PAG1: variants seen among roughly 807,000 people sequenced by gnomAD.
PAG1 encodes the protein phosphoprotein membrane anchor with glycosphingolipid microdomains 1, also known as phosphoprotein associated with glycosphingolipid-enriched microdomains 1.
A neutral mutation model predicts 31.7 loss-of-function variants in PAG1; 23 were observed. The observed-to-expected ratio is 0.73, with a 90% CI of 0.52 to 1.03. The LOEUF (loss-of-function observed/expected upper bound fraction) is 1.03, where lower values mean the gene tolerates loss of function less well. Among genes scored for constraint, PAG1 ranks in the 50% least tolerant of loss-of-function variants. The pLI, the probability that PAG1 is intolerant of heterozygous loss-of-function variation, is 0.00. For missense variants in PAG1, 473 were observed against 540.7 expected (o/e 0.87, Z 1.24); for synonymous variants, 214 against 210.3 (o/e 1.02, Z -0.15).
chr8:80,983,463 G>C (rs373205679), intron 7 of PAG1, among the ~76,000 whole-genome samples: 3 of 152,198 alleles, frequency 2.0e-5, no homozygotes, highest in Non-Finnish European at 1.5e-5. Flanking sequence ...TCCAGGACTA[G>C]AAGACTGTGT....
intron 5 of PAG1, among the ~76,000 whole-genome samples, chr8:80,989,088 C>T (rs1027412109): frequency 2.0e-5 from 3 of 152,188 alleles, no homozygotes; most frequent in Admixed American, 6.5e-5. Flanking sequence ...GTTGGCCTCA[C>T]AAATTCTCTG....
chr8:81,041,114 G>T (rs1336340549), intron 2 of PAG1, among the ~76,000 whole-genome samples: 1 of 151,626 alleles, frequency 6.6e-6, no homozygotes, highest in African/African-American at 2.4e-5. Context: ...GAAAGAAGGA[G>T]AAACAAAAAC....
At chr8:81,002,451 T>C (rs1807803075) in intron 3 of PAG1, among the ~76,000 whole-genome samples, 1 of 152,250 alleles carries the variant, frequency 6.6e-6, no homozygotes, top group Non-Finnish European at 1.5e-5. Context: ...ATGCTTGATC[T>C]GGGAAAAGTA....
intron 3 of PAG1, among the ~76,000 whole-genome samples, chr8:81,025,667 C>T (rs1407243026): frequency 2.6e-5 from 4 of 152,216 alleles, no homozygotes; most frequent in Non-Finnish European, 4.4e-5. Flanking sequence ...CCTTTCTCTA[C>T]ATGCTGCTCG....
chr8:80,982,996 G>C (rs977101589), intron 7 of PAG1, among the ~76,000 whole-genome samples: 8 of 152,282 alleles, frequency 5.3e-5, no homozygotes, highest in Admixed American at 3.3e-4. Flanking sequence ...TGAAAACATA[G>C]GCTAGGTTGT....
At chr8:81,023,842 C>T (rs1486780025) in intron 3 of PAG1, among the ~76,000 whole-genome samples, 2 of 151,878 alleles carry the variant, frequency 1.3e-5, no homozygotes. Context: ...AATACACACC[C>T]AGTTTAGGAA....
At chr8:81,006,223 A>G (rs1807874848) in intron 3 of PAG1, among the ~76,000 whole-genome samples, 1 of 152,196 alleles carries the variant, frequency 6.6e-6, no homozygotes, top group African/African-American at 2.4e-5. Context: ...GATTACAGGC[A>G]TGAGCCACCA....
chr8:81,058,155 C>T (rs1808858778), intron 2 of PAG1, among the ~76,000 whole-genome samples: 1 of 152,084 alleles, frequency 6.6e-6, no homozygotes, highest in Non-Finnish European at 1.5e-5. Context: ...TTCCCCAATC[C>T]TAATCTTAGT....
At chr8:81,062,776 T>G (rs1808939047) in intron 2 of PAG1, among the ~76,000 whole-genome samples, 1 of 152,118 alleles carries the variant, frequency 6.6e-6, no homozygotes, top group African/African-American at 2.4e-5. Context: ...ACTCCAGGAC[T>G]CAGGTGATCC....
At chr8:80,984,695 T>G (rs1175278148) in intron 7 of PAG1, 81 bp downstream of exon 7, 1 of 1,333,220 alleles carries the variant, frequency 7.5e-7, no homozygotes, top group Non-Finnish European at 1.0e-6. Context: ...TGCAGATATT[T>G]CCCAGAACAA....
chr8:81,001,626 C>T (rs1411770801), intron 3 of PAG1, among the ~76,000 whole-genome samples: 3 of 152,086 alleles, frequency 2.0e-5, no homozygotes, highest in East Asian at 3.9e-4. Context: ...TAAAAAGCAC[C>T]GAAAAATGGA....
chr8:80,976,844 C>T lies in PAG1; in HGVS notation c.999G>A (p.Ser333=), dbSNP rs376862234. ...TGTAGGTGGACTCCGGAACTGTAAG[C>T]GACTGCCCCGATTTATTCACTAACT... ...PGQLVNKSGQ[S]LTVPESTYTS... The change falls in exon 9 of 9, where the codon TCG becomes TCA. Residue 333 remains serine (S), a synonymous_variant. Coordinates refer to ENST00000220597, the MANE Select transcript of PAG1 (RefSeq NM_018440.4). 1.9e-5 allele frequency: 31 copies of T among 1,613,380 alleles called. No individual in the cohort carries two copies. The East Asian group carries it at 4.9e-4, about 26-fold the overall frequency.
intron 1 of PAG1, among the ~76,000 whole-genome samples, chr8:81,103,571 C>T (rs1323359344): frequency 6.6e-6 from 1 of 152,160 alleles, no homozygotes; most frequent in Non-Finnish European, 1.5e-5. Context: ...GTAATTATTT[C>T]CATCATCTCC....
chr8:80,994,874 C>T (rs1807638442), intron 3 of PAG1, among the ~76,000 whole-genome samples: 1 of 152,212 alleles, frequency 6.6e-6, no homozygotes, highest in Non-Finnish European at 1.5e-5. Context: ...TCTCAAGTGT[C>T]ATGAATAAGC....
rs181900999 is a variant in PAG1, at chr8:81,038,747, A to G, written c.-174-8658T>C. Among the ~76,000 whole-genome samples, 66 of 152,268 alleles carry G rather than the reference A, an allele frequency of 4.3e-4. 1 individual carries two copies. The East Asian group carries it at 8.3e-3, about 19-fold the overall frequency. The stretch of plus-strand genomic sequence containing the variant: ...ATGCTGCTTGCAGATACCACAACAG[A>G]ACTCTGCCATTGATAATGTGCCCGT... On this transcript the variant is annotated intron_variant, in intron 2 of 8. Transcript: ENST00000220597.
At chr8:80,980,363 G>C in intron 8 of PAG1, 72 bp downstream of exon 8, 1 of 822,216 alleles carries the variant, frequency 1.2e-6, no homozygotes, top group South Asian at 1.4e-5. Flanking sequence ...TAACATTACA[G>C]TGCATTTATT....
intron 3 of PAG1, among the ~76,000 whole-genome samples, chr8:81,025,680 C>T (rs995899598): frequency 7.9e-5 from 12 of 152,296 alleles, no homozygotes; most frequent in Admixed American, 3.3e-4. Context: ...GCTGCTCGGG[C>T]GTTCCTCTGC....
chr8:81,031,554 G>T (rs1808378224), intron 2 of PAG1, among the ~76,000 whole-genome samples: 2 of 152,190 alleles, frequency 1.3e-5, no homozygotes, highest in Non-Finnish European at 2.9e-5. Context: ...CCAGAAATAT[G>T]AGCAAGATTT....
At chr8:81,077,077 C>T (rs528883213) in intron 1 of PAG1, among the ~76,000 whole-genome samples, 7 of 152,300 alleles carry the variant, frequency 4.6e-5, no homozygotes, top group South Asian at 4.1e-4. Flanking sequence ...GCTTAGAAAT[C>T]GTGCAGAGCT....
Sources: allele counts gnomAD v4.1 joint callset (sites outside exome capture counted in the v4.1 genomes callset), GRCh38; gene constraint gnomAD v4.1.1; transcripts MANE v1.5; gene names NCBI Gene and HGNC (gene_info 2026-07-23, HGNC 2026-07-21).